The following PLD5 variants were observed in gnomAD, a reference collection of about 807,000 sequenced individuals.
PLD5 encodes phospholipase D family member 5, also known as inactive phospholipase D5.
In PLD5, 36 loss-of-function variants were observed where a neutral mutation model predicts 61.1. The ratio of observed to expected loss-of-function variants is 0.59; its 90% confidence interval spans 0.45 to 0.78. The LOEUF (loss-of-function observed/expected upper bound fraction) is 0.78. Among genes scored for constraint, PLD5 ranks in the 30% least tolerant of loss-of-function variants. The probability of loss-of-function intolerance (pLI) is 0.00; values close to 1 mark genes in which losing one functional copy is unlikely to be tolerated. For missense variants in PLD5, 515 were observed against 644.4 expected, an observed-to-expected ratio of 0.80 and a Z score of 2.17; for synonymous variants, 243 against 242.8, an observed-to-expected ratio of 1.00 and a Z score of -0.01.
At chr1:242,307,740 C>T (rs1041385675) in intron 2 of PLD5, among the ~76,000 whole-genome samples, 11 of 152,134 alleles carry the variant, frequency 7.2e-5, no homozygotes, top group Admixed American at 4.6e-4. Flanking sequence ...GCGAGTCAGG[C>T]TTCTCCTTTG....
chr1:242,384,688 A>G (rs1278071164), intron 1 of PLD5, among the ~76,000 whole-genome samples: 1 of 152,156 alleles, frequency 6.6e-6, no homozygotes, highest in South Asian at 2.1e-4. Context: ...ATACGATCTC[A>G]TTTGTTTGGA....
At chr1:242,147,088 G>C (rs754695493) in intron 5 of PLD5, among the ~76,000 whole-genome samples, 19 of 152,160 alleles carry the variant, frequency 1.2e-4, no homozygotes, top group South Asian at 4.1e-4. Context: ...TTGAAATACA[G>C]TTATGTAACC....
In PLD5 at chr1:242,124,650, C is replaced by T. The variant is rs1449734443; in HGVS notation, c.751G>A (p.Val251Ile). The change falls in exon 6 of 10, where the codon GTC becomes ATC. Residue 251 changes from valine (V) to isoleucine (I), a missense_variant. Transcript: ENST00000536534. ...QSLGQMKELG[V>I]IFYNCSCLVL... ...AGGCAGCTGCAGTTGTAGAAGATGA[C>T]ACCGAGTTCTTTCATCTGTGAAATT... The T allele has an allele frequency of 8.7e-6, 14 of 1,613,142 alleles. No individual in the cohort carries two copies. Among genetic ancestry groups the T allele is most frequent in the East Asian group, 2.2e-5 (1 of 44,844 alleles).
intron 5 of PLD5, among the ~76,000 whole-genome samples, chr1:242,193,508 C>A (rs1172698588): frequency 6.6e-6 from 1 of 152,204 alleles, no homozygotes; most frequent in Middle Eastern, 3.2e-3. Context: ...CAAGGGCACA[C>A]AGCTGGGGGC....
rs1416109158 is a variant in PLD5 at position 242,107,823 on chromosome 1, A to G, written c.1087T>C (p.Leu363=). Residue 363 remains leucine, a synonymous_variant, in exon 8 of 10, where the codon TTG becomes CTG. Coordinates refer to ENST00000536534, the MANE Select transcript of PLD5 (RefSeq NM_001372062.1). ...AATGCTTCTCTTATTTTTGCATCCA[A>G]GTCTGGCCAGTAAGTCCTGCAGAAA... is the stretch of plus-strand genomic sequence containing the variant. ...TSTKRTYWPD[L]DAKIREALVL... 5.0e-6 allele frequency: 8 copies of G among 1,596,820 alleles called. No individual in the cohort carries two copies. Among genetic ancestry groups the G allele is most frequent in the Non-Finnish European group, 6.0e-6 (7 of 1,175,320 alleles).
intron 9 of PLD5, among the ~76,000 whole-genome samples, chr1:242,091,381 C>T (rs541337237): frequency 6.6e-6 from 1 of 152,286 alleles, no homozygotes; most frequent in South Asian, 2.1e-4. Context: ...AAGCAGCAGC[C>T]TTGGAGAGCT....
chr1:242,510,799 C>T (rs573020749), intron 1 of PLD5, among the ~76,000 whole-genome samples: 20 of 151,758 alleles, frequency 1.3e-4, no homozygotes, highest in South Asian at 4.2e-4. Context: ...GAGCCGAGAT[C>T]GCGCCACTGC....
At chr1:242,225,340 TTC>T (rs1460637062) in intron 4 of PLD5, among the ~76,000 whole-genome samples, 1 of 147,298 alleles carries the variant, frequency 6.8e-6, no homozygotes, top group Non-Finnish European at 1.5e-5. Flanking sequence ...AGTGGTTTGT[TTC>T]TCTTTGCTGT....
intron 1 of PLD5, among the ~76,000 whole-genome samples, chr1:242,428,025 G>A (rs535671729): frequency 1.4e-4 from 22 of 152,260 alleles, no homozygotes; most frequent in South Asian, 6.2e-4. Context: ...CTAAAATGGT[G>A]GAAGTTTCAC....
chr1:242,444,805 A>T (rs375502869), intron 1 of PLD5, among the ~76,000 whole-genome samples: 18 of 105,574 alleles, frequency 1.7e-4, no homozygotes, highest in African/African-American at 5.7e-4. Context: ...TCACTTCTAA[A>T]CACCTCATTG....
intron 7 of PLD5, 31 bp downstream of exon 7, chr1:242,113,859 G>A (rs758065867): frequency 1.2e-6 from 2 of 1,601,634 alleles, no homozygotes; most frequent in Middle Eastern, 1.7e-4. Context: ...TTAGGGACTG[G>A]GTTCTAACCA....
chr1:242,507,549 C>T (rs1447251774), intron 1 of PLD5, among the ~76,000 whole-genome samples: 1 of 152,080 alleles, frequency 6.6e-6, no homozygotes, highest in African/African-American at 2.4e-5. Flanking sequence ...TGGTGACTGC[C>T]CTGAGCTATA....
At chr1:242,368,030 T>C (rs996361364) in intron 1 of PLD5, among the ~76,000 whole-genome samples, 2 of 152,158 alleles carry the variant, frequency 1.3e-5, no homozygotes, top group African/African-American at 4.8e-5. Context: ...TGGAAGGCCA[T>C]TAGACTGAGG....
upstream of PLD5, among the ~76,000 whole-genome samples, chr1:242,526,398 T>C (rs1669447955): frequency 6.6e-6 from 1 of 152,130 alleles, no homozygotes; most frequent in Admixed American, 6.5e-5. Flanking sequence ...GTGAAAACTA[T>C]ACATTCCATT....
chr1:242,385,150 A>C (rs1418608197), intron 1 of PLD5, among the ~76,000 whole-genome samples: 1 of 152,228 alleles, frequency 6.6e-6, no homozygotes, highest in Non-Finnish European at 1.5e-5. Flanking sequence ...ACAGTAAATA[A>C]ATTAAAAATC....
intron 3 of PLD5, among the ~76,000 whole-genome samples, chr1:242,282,796 T>A (rs1674784808): frequency 6.6e-6 from 1 of 152,122 alleles, no homozygotes; most frequent in African/African-American, 2.4e-5. Flanking sequence ...AAATTAGCAA[T>A]CAAGATGTCC....
intron 1 of PLD5, among the ~76,000 whole-genome samples, chr1:242,380,083 G>A (rs1222587386): frequency 6.6e-6 from 1 of 152,148 alleles, no homozygotes; most frequent in Non-Finnish European, 1.5e-5. Context: ...GGGCATTTGG[G>A]GGTTCTATGG....
At position 242,404,610 on chromosome 1, in the gene PLD5, G is replaced by A. The variant is rs576565936; in HGVS notation, c.190-56368C>T. On this transcript the variant is annotated intron_variant, in intron 1 of 9. Transcript: ENST00000536534. ...TCCATCCTCATAGACAGTTTCCTTAGTTGCTCATGGCACCGCTTTATCCAC... is the reference window on the plus strand; with the variant it reads ...TCCATCCTCATAGACAGTTTCCTTAATTGCTCATGGCACCGCTTTATCCAC... 1.4e-4 allele frequency among the ~76,000 whole-genome samples: 21 copies of A among 152,022 alleles called. No individual in the cohort carries two copies. The South Asian group carries it at 2.1e-3, about 15-fold the overall frequency.
At chr1:242,451,459 CTTTT>C (rs398038597) in intron 1 of PLD5, among the ~76,000 whole-genome samples, 10 of 115,124 alleles carry the variant, frequency 8.7e-5, no homozygotes, top group Admixed American at 2.1e-4. Flanking sequence ...GTATCAAATT[CTTTT>C]TTTTTTTTTT....
Sources: allele counts gnomAD v4.1 joint callset (sites outside exome capture counted in the v4.1 genomes callset), GRCh38; gene constraint gnomAD v4.1.1; transcripts MANE v1.5; gene names NCBI Gene and HGNC (gene_info 2026-07-23, HGNC 2026-07-21).